Variants in OPA1 observed in about 807,000 individuals in gnomAD.
OPA1 encodes OPA1 mitochondrial dynamin like GTPase, also known as dynamin-like GTPase OPA1, mitochondrial.
Under a neutral mutation model 152.9 loss-of-function variants are expected in OPA1, and 59 were observed. That is an observed-to-expected ratio of 0.39 (90% confidence interval 0.31 to 0.48). The LOEUF (loss-of-function observed/expected upper bound fraction) is 0.48. Ranked by LOEUF, OPA1 falls within the 20% of genes least tolerant of loss-of-function variation. OPA1 has a pLI of 0.96. For synonymous variants in OPA1, 400 were observed against 389.9 expected, an observed-to-expected ratio of 1.03 and a Z score of -0.31; for missense variants, 1,008 against 1,216.8, an observed-to-expected ratio of 0.83 and a Z score of 2.55.
chr3:193,677,531 T>C (rs959538305), intron 29 of OPA1, among the ~76,000 whole-genome samples: 11 of 152,298 alleles, frequency 7.2e-5, no homozygotes, highest in African/African-American at 2.4e-4. Flanking sequence ...CATTGGACTC[T>C]GCAACAGTAT....
Position 193,662,062 on chromosome 3 carries a change from T to G in OPA1, c.2521-760T>G, listed in dbSNP as rs190211480. 3.2e-4 allele frequency among the ~76,000 whole-genome samples: 49 copies of G among 152,280 alleles called. No homozygotes were observed. The East Asian group carries it at 8.9e-3, about 28-fold the overall frequency. On this transcript the variant is annotated intron_variant, in intron 25 of 30. Transcript: ENST00000361510. The stretch of plus-strand genomic sequence containing the variant: ...AGCTGTGGTAGATTTTCTATTCTAG[T>G]AATTTATTTAGGGTAATGATTGAAT...
At chr3:193,594,925 A>G (rs1335765302) in intron 1 of OPA1, among the ~76,000 whole-genome samples, 2 of 152,230 alleles carry the variant, frequency 1.3e-5, no homozygotes, top group African/African-American at 2.4e-5. Flanking sequence ...AAAAAGAGAA[A>G]AGACTGCAGA....
At chr3:193,670,959 A>G (rs1280034147) in intron 29 of OPA1, among the ~76,000 whole-genome samples, 1 of 151,988 alleles carries the variant, frequency 6.6e-6, no homozygotes, top group Non-Finnish European at 1.5e-5. Context: ...GGTCACAGAA[A>G]CCCTCTGAAG....
chr3:193,618,439 C>G (rs1361136002), intron 5 of OPA1, among the ~76,000 whole-genome samples: 1 of 151,636 alleles, frequency 6.6e-6, no homozygotes, highest in African/African-American at 2.4e-5. Context: ...GATCGCGCCA[C>G]TGCACTCCAG....
At chr3:193,655,639 G>A (rs1211655338) in intron 22 of OPA1, among the ~76,000 whole-genome samples, 2 of 151,996 alleles carry the variant, frequency 1.3e-5, no homozygotes, top group African/African-American at 4.8e-5. Context: ...CAATAATGTT[G>A]CCTACCTCAC....
chr3:193,608,057 C>A (rs1727567183), intron 1 of OPA1, among the ~76,000 whole-genome samples: 1 of 152,122 alleles, frequency 6.6e-6, no homozygotes, highest in African/African-American at 2.4e-5. Context: ...ATTTGGCTCT[C>A]TGTTTGTCTG....
intron 8 of OPA1, among the ~76,000 whole-genome samples, chr3:193,632,500 C>T (rs1229681815): frequency 6.6e-6 from 1 of 151,874 alleles, no homozygotes; most frequent in Admixed American, 6.6e-5. Context: ...AAAAAGTTAC[C>T]CTATTACTCA....
Position 193,614,928 on chromosome 3 carries a change from T to G in OPA1, c.238T>G (p.Tyr80Asp), listed in dbSNP as rs1432310704. 1 of 1,613,800 alleles carries G rather than the reference T, an allele frequency of 6.2e-7. No individual in the cohort carries two copies. The highest frequency in any genetic ancestry group is 1.3e-5 in the African/African-American group (1 of 74,932). The change falls in exon 2 of 31, where the codon TAT becomes GAT. Residue 80 changes from tyrosine (Y) to aspartate (D), a missense_variant. Transcript: ENST00000361510. ...LRKLKFSPIK[Y>D]GYQPRRNFWP... Reference sequence around the variant, plus strand: ...TAAACTGAAATTCTCTCCAATTAAATATGGCTACCAGCCTCGCAGGAATTT... The same window carrying G: ...TAAACTGAAATTCTCTCCAATTAAAGATGGCTACCAGCCTCGCAGGAATTT...
At chr3:193,603,071 C>T (rs1164974108) in intron 1 of OPA1, among the ~76,000 whole-genome samples, 13 of 152,168 alleles carry the variant, frequency 8.5e-5, no homozygotes, top group Admixed American at 8.5e-4. Flanking sequence ...ACAAGTCAAA[C>T]ATTGATTATA....
intron 26 of OPA1, 130 bp from the exon 27 acceptor site, chr3:193,664,746 CTATG>C: frequency 3.2e-6 from 2 of 629,574 alleles, no homozygotes; most frequent in Admixed American, 2.8e-5. Flanking sequence ...ATTTGAATAA[CTATG>C]TAAAGAATAA....
At chr3:193,687,786 G>C (rs1484069336) in intron 29 of OPA1, among the ~76,000 whole-genome samples, 2 of 152,198 alleles carry the variant, frequency 1.3e-5, no homozygotes. Context: ...GAATTTATGA[G>C]AAATAATTCT....
chr3:193,659,773 CAA>C (rs1361730101), intron 25 of OPA1, among the ~76,000 whole-genome samples: 5 of 152,130 alleles, frequency 3.3e-5, no homozygotes, highest in Admixed American at 6.5e-5. Flanking sequence ...TGTTAAAAGA[CAA>C]GAGATGAAAC....
At chr3:193,629,203 G>A (rs1488982043) in intron 7 of OPA1, among the ~76,000 whole-genome samples, 3 of 151,816 alleles carry the variant, frequency 2.0e-5, no homozygotes, top group African/African-American at 4.8e-5. Flanking sequence ...ATGAGCCACC[G>A]CACCTGGCCA....
At chr3:193,612,799 T>C (rs543270828) in intron 1 of OPA1, among the ~76,000 whole-genome samples, 1 of 152,360 alleles carries the variant, frequency 6.6e-6, no homozygotes, top group African/African-American at 2.4e-5. Flanking sequence ...CTGAGGCCTC[T>C]AACTGAATCC....
chr3:193,647,844 CTG>C (rs1485489782), intron 19 of OPA1, among the ~76,000 whole-genome samples: 1 of 152,170 alleles, frequency 6.6e-6, no homozygotes, highest in Non-Finnish European at 1.5e-5. Flanking sequence ...ACTACTTCAG[CTG>C]TGTGCTAATG....
intron 21 of OPA1, 86 bp downstream of exon 21, chr3:193,648,957 T>A: frequency 1.0e-6 from 1 of 995,568 alleles, no homozygotes; most frequent in Non-Finnish European, 1.6e-6. Context: ...GATAAAGCAG[T>A]GATTTATTGT....
rs1286817409 is a variant in OPA1 at position 193,643,457 on chromosome 3, A to G, written c.1377+13A>G. 1 of 1,608,330 alleles carries G rather than the reference A, an allele frequency of 6.2e-7. No homozygotes were observed. Among genetic ancestry groups the G allele is most frequent in the South Asian group, 1.1e-5 (1 of 90,954 alleles). On this transcript the variant is annotated intron_variant, in intron 14 of 30. Coordinates refer to ENST00000361510, the MANE Select transcript of OPA1 (RefSeq NM_130837.3). ...AGGTGTGATTAATGTAAGTATATAC[A>G]AAACATGTATTTTATTTTATTCTTA...
chr3:193,640,528 G>A (rs1235089967), intron 11 of OPA1, among the ~76,000 whole-genome samples: 1 of 152,194 alleles, frequency 6.6e-6, no homozygotes, highest in East Asian at 1.9e-4. Context: ...CGCTTACTCA[G>A]TGAAATACTA....
In OPA1 at chr3:193,626,194, A is replaced by T; in HGVS notation, c.781A>T (p.Lys261Ter). The T allele has an allele frequency of 6.2e-7, 1 of 1,613,190 alleles. No homozygotes were observed. The highest frequency in any genetic ancestry group is 8.5e-7 in the Non-Finnish European group (1 of 1,179,148). The change falls in exon 7 of 31, where the codon AAG becomes TAG. Residue 261 changes from lysine to a stop codon, truncating the protein, a stop_gained. Coordinates refer to ENST00000361510, the MANE Select transcript of OPA1 (RefSeq NM_130837.3). LOFTEE classifies it high-confidence loss of function. Reference protein sequence around the residue: ...GQYSTSYAQQKRKVSDKEKID... With the variant: ...GQYSTSYAQQ Reference sequence around the variant, plus strand: ...ATATAGCACGAGCTATGCCCAACAGAAGCGCAAGGTGATGGATGGTTTAAG... The same window carrying T: ...ATATAGCACGAGCTATGCCCAACAGTAGCGCAAGGTGATGGATGGTTTAAG...
Sources: gnomAD v4.1 joint callset for allele counts (sites outside exome capture counted in the v4.1 genomes callset) on GRCh38, gnomAD v4.1.1 for gene constraint, MANE v1.5 for transcripts, NCBI Gene and HGNC (gene_info 2026-07-23, HGNC 2026-07-21) for gene names.